Variants in MYO16 observed in about 807,000 individuals in gnomAD.
MYO16 encodes the protein myosin XVI.
MYO16 carries 94 observed loss-of-function variants against 205.3 expected under a neutral mutation model. That is an observed-to-expected ratio of 0.46 (90% CI 0.39 to 0.54). The LOEUF (loss-of-function observed/expected upper bound fraction) is 0.54. Among genes scored for constraint, MYO16 ranks in the 20% least tolerant of loss-of-function variants. The pLI is 0.00. For synonymous variants in MYO16, 988 were observed against 954.0 expected (o/e 1.04, Z -0.66); for missense variants, 2,315 against 2,387.5 (o/e 0.97, Z 0.63).
At chr13:109,093,888 C>T (rs901976343) in intron 27 of MYO16, among the ~76,000 whole-genome samples, 1 of 152,150 alleles carries the variant, frequency 6.6e-6, no homozygotes, top group African/African-American at 2.4e-5. Flanking sequence ...AGTCAAGGAA[C>T]AGAGCTCCTG....
chr13:108,680,964 A>G (rs1882436407), intron 2 of MYO16, among the ~76,000 whole-genome samples: 1 of 152,228 alleles, frequency 6.6e-6, no homozygotes, highest in Non-Finnish European at 1.5e-5. Flanking sequence ...TGAGTCAAAC[A>G]TGTCAAATGT....
chr13:108,987,095 T>C (rs1341250118), intron 20 of MYO16, among the ~76,000 whole-genome samples: 1 of 152,188 alleles, frequency 6.6e-6, no homozygotes, highest in Non-Finnish European at 1.5e-5. Flanking sequence ...ACTGCAATGT[T>C]CCTCGCAAGG....
intron 27 of MYO16, among the ~76,000 whole-genome samples, chr13:109,092,808 A>G (rs575625862): frequency 2.0e-5 from 3 of 152,348 alleles, no homozygotes; most frequent in African/African-American, 4.8e-5. Flanking sequence ...GATACATAGG[A>G]TGTCAAAGTT....
chr13:108,520,097 A>G, the MYO16 span, among the ~76,000 whole-genome samples: 1 of 152,070 alleles, frequency 6.6e-6, no homozygotes, highest in Admixed American at 6.6e-5. Flanking sequence ...CATTTTCCGT[A>G]GTTATGCTTT....
intron 23 of MYO16, among the ~76,000 whole-genome samples, chr13:109,034,328 C>A (rs1195147013): frequency 6.6e-6 from 1 of 152,176 alleles, no homozygotes; most frequent in Admixed American, 6.5e-5. Flanking sequence ...AAAGGAGAGA[C>A]CAGGTGGAGG....
the MYO16 span, among the ~76,000 whole-genome samples, chr13:108,522,164 C>T: frequency 5.3e-5 from 8 of 152,196 alleles, no homozygotes; most frequent in South Asian, 1.4e-3. Flanking sequence ...TCTTCTTACC[C>T]TGCTTTGATG....
intron 20 of MYO16, among the ~76,000 whole-genome samples, chr13:108,971,119 C>T (rs556840791): frequency 1.1e-4 from 16 of 152,074 alleles, no homozygotes; most frequent in Middle Eastern, 6.8e-3. Context: ...TATTTTATAA[C>T]GCAGCACTTA....
chr13:108,716,447 G>A (rs1055320541), intron 3 of MYO16, among the ~76,000 whole-genome samples: 4 of 152,188 alleles, frequency 2.6e-5, no homozygotes, highest in African/African-American at 7.2e-5. Flanking sequence ...TCTGGAGGAC[G>A]GATAAGGAAA....
intron 16 of MYO16, among the ~76,000 whole-genome samples, chr13:108,915,890 C>T (rs528921669): frequency 2.0e-5 from 3 of 152,212 alleles, no homozygotes; most frequent in Admixed American, 6.5e-5. Context: ...AGTCACCGCG[C>T]GCTTGAACTT....
chr13:108,918,966 A>G (rs962311058), intron 16 of MYO16, among the ~76,000 whole-genome samples: 1 of 110,052 alleles, frequency 9.1e-6, no homozygotes, highest in Non-Finnish European at 1.8e-5. Context: ...AAAAAAAAAA[A>G]AAAAACTTAC....
intron 27 of MYO16, among the ~76,000 whole-genome samples, chr13:109,064,218 C>A (rs919879617): frequency 1.3e-5 from 2 of 152,152 alleles, no homozygotes; most frequent in Non-Finnish European, 2.9e-5. Flanking sequence ...TCTTAGCATG[C>A]AAAGCCTAAA....
intron 1 of MYO16, among the ~76,000 whole-genome samples, chr13:108,613,520 C>T (rs1451074210): frequency 6.6e-6 from 1 of 152,024 alleles, no homozygotes; most frequent in Non-Finnish European, 1.5e-5. Flanking sequence ...TCTATGCAGC[C>T]AGAATGCCCT....
chr13:109,140,520 G>A lies in MYO16; in HGVS notation c.4308G>A (p.Glu1436=). The A allele has an allele frequency of 6.4e-7, 1 of 1,552,980 alleles. No individual in the cohort carries two copies. The highest frequency in any genetic ancestry group is 8.6e-7 in the Non-Finnish European group (1 of 1,157,562). Residue 1436 remains glutamate, a synonymous_variant, in exon 32 of 35, where the codon GAG becomes GAA. Coordinates refer to ENST00000457511, the MANE Select transcript of MYO16 (RefSeq NM_001198950.3). The surrounding 1 kb of genome is among the most constrained non-coding windows in gnomAD (Gnocchi z 8.0). ...ACGACAGCGAGCCTGTGTACATCGA[G>A]ATGCTGGGGCACGCGGCCAGGCCCG... ...DEDDSEPVYI[E]MLGHAARPDS... is the part of the protein sequence containing the mutation.
At chr13:108,612,806 T>G (rs1054932860) in intron 1 of MYO16, among the ~76,000 whole-genome samples, 2 of 152,158 alleles carry the variant, frequency 1.3e-5, no homozygotes, top group African/African-American at 2.4e-5. Context: ...TTTACATTCT[T>G]GCTACCCTGT....
chr13:108,909,080 A>G (rs1488105578), intron 15 of MYO16, among the ~76,000 whole-genome samples: 5 of 152,254 alleles, frequency 3.3e-5, no homozygotes, highest in African/African-American at 4.8e-5. Flanking sequence ...TAATATTTCA[A>G]ATGCTCCAGA....
chr13:109,155,797 G>A (rs1178054978), intron 32 of MYO16, among the ~76,000 whole-genome samples: 1 of 152,162 alleles, frequency 6.6e-6, no homozygotes, highest in East Asian at 1.9e-4. Flanking sequence ...CATTTCCCCT[G>A]TAGCAGTCTC....
chr13:108,592,430 G>A (rs527343605), upstream of MYO16, among the ~76,000 whole-genome samples: 107 of 111,312 alleles, frequency 9.6e-4, no homozygotes, highest in African/African-American at 3.8e-3. Context: ...TGTGTGGAGG[G>A]GGGTATGTTG....
chr13:108,833,838 C>G (rs912538231), intron 9 of MYO16, among the ~76,000 whole-genome samples: 1 of 151,992 alleles, frequency 6.6e-6, no homozygotes, highest in Non-Finnish European at 1.5e-5. Context: ...AGAGTTAAAT[C>G]TGTCTCTACT....
Position 109,206,805 on chromosome 13 carries a change from T to C in MYO16, c.5612T>C (p.Leu1871Pro). 1 of 1,614,156 alleles carries C rather than the reference T, an allele frequency of 6.2e-7. No individual in the cohort carries two copies. Among genetic ancestry groups the C allele is most frequent in the Non-Finnish European group, 8.5e-7 (1 of 1,180,014 alleles). The change falls in exon 35 of 35, where the codon CTG becomes CCG. Residue 1871 changes from leucine to proline, a missense_variant. Leu to Pro is a moderately conservative substitution (Grantham distance 98, BLOSUM62 -3). This residue lies in a region of MYO16 where 1,097 missense variants were observed against 1,092.0 expected (regional missense o/e 1.00). Coordinates refer to ENST00000457511, the MANE Select transcript of MYO16 (RefSeq NM_001198950.3). ...KKPEGASCNR[L>P]PSELWDTTI ...CCGGAAGGGGCCTCCTGCAACAGGCTGCCGTCTGAGCTCTGGGACACCACC... is the reference window on the plus strand; with the variant it reads ...CCGGAAGGGGCCTCCTGCAACAGGCCGCCGTCTGAGCTCTGGGACACCACC...
Sources: allele counts gnomAD v4.1 joint callset (sites outside exome capture counted in the v4.1 genomes callset), GRCh38; gene constraint gnomAD v4.1.1; regional missense constraint gnomAD v4.1.1; non-coding constraint Gnocchi (gnomAD v3.1); transcripts MANE v1.5; gene names NCBI Gene and HGNC (gene_info 2026-07-23, HGNC 2026-07-21).